Variants in PAQR5 observed in about 807,000 individuals in gnomAD.
PAQR5 encodes membrane progestin receptor gamma.
Under a neutral mutation model 34.5 loss-of-function variants are expected in PAQR5, and 20 were observed. The ratio of observed to expected loss-of-function variants is 0.58; its 90% CI spans 0.41 to 0.84. The LOEUF is 0.84. Ranked by LOEUF, PAQR5 falls within the 40% of genes least tolerant of loss-of-function variation. The pLI is 0.00. For synonymous variants in PAQR5, 131 were observed against 155.6 expected (o/e 0.84, Z 1.18); for missense variants, 378 against 412.7 (o/e 0.92, Z 0.73).
intron 1 of PAQR5, among the ~76,000 whole-genome samples, chr15:69,333,655 G>T (rs188118565): frequency 6.6e-6 from 1 of 152,302 alleles, no homozygotes; most frequent in Non-Finnish European, 1.5e-5. Context: ...TTTCCCTCCT[G>T]TTGGGGATCC....
intron 1 of PAQR5, among the ~76,000 whole-genome samples, chr15:69,302,813 C>G (rs1034845623): frequency 1.6e-4 from 25 of 152,308 alleles, no homozygotes; most frequent in African/African-American, 5.8e-4. Context: ...TCCCTGTACT[C>G]ACGCATGGCC....
At chr15:69,398,017 G>C (rs1432108837) in intron 7 of PAQR5, among the ~76,000 whole-genome samples, 1 of 152,148 alleles carries the variant, frequency 6.6e-6, no homozygotes, top group Non-Finnish European at 1.5e-5. Flanking sequence ...CTGCAGGCAG[G>C]TCTCCAATAC....
At position 69,384,902 on chromosome 15, in the gene PAQR5, T is replaced by TGAG. The variant is rs2056066165; in HGVS notation, c.385+21_385+22insAGG. Reference sequence around the variant, plus strand: ...GCCTGGGTATGTGAGGCCTTGTTCTTGCTTTCCTTCCCCTGCAACCGGGCT... The same window carrying TGAG: ...GCCTGGGTATGTGAGGCCTTGTTCTTGAGGCTTTCCTTCCCCTGCAACCGGGCT... On this transcript the variant is annotated intron_variant, in intron 5 of 8. Coordinates refer to ENST00000395407, the MANE Select transcript of PAQR5 (RefSeq NM_017705.4). The TGAG allele has an allele frequency of 6.3e-7, 1 of 1,599,598 alleles. No individual in the cohort carries two copies. Among genetic ancestry groups the TGAG allele is most frequent in the African/African-American group, 1.3e-5 (1 of 74,654 alleles).
intron 1 of PAQR5, among the ~76,000 whole-genome samples, chr15:69,300,571 C>CTCTT (rs1194607614): frequency 2.8e-5 from 4 of 144,620 alleles, no homozygotes; most frequent in South Asian, 2.3e-4. Flanking sequence ...TTCTTTCTTT[C>CTCTT]TCTTTCTTTC....
At chr15:69,326,625 C>T (rs1054073817) in intron 1 of PAQR5, among the ~76,000 whole-genome samples, 3 of 152,184 alleles carry the variant, frequency 2.0e-5, no homozygotes, top group Middle Eastern at 3.4e-3. Context: ...TTAGTAGAGA[C>T]GGGGTTTTGC....
chr15:69,311,043 AAT>A (rs1227267085), intron 1 of PAQR5, among the ~76,000 whole-genome samples: 1,762 of 105,170 alleles, frequency 0.017, 272 homozygotes, highest in African/African-American at 0.08. Flanking sequence ...CGTCGCAAAA[AAT>A]AAAAAAAAAA....
intron 3 of PAQR5, among the ~76,000 whole-genome samples, chr15:69,369,164 C>T (rs2055485351): frequency 6.6e-6 from 1 of 152,088 alleles, no homozygotes; most frequent in South Asian, 2.1e-4. Flanking sequence ...GTTCTTTGAT[C>T]TCTATCTCTG....
chr15:69,383,383 G>A (rs1209339555), intron 4 of PAQR5, among the ~76,000 whole-genome samples: 2 of 144,468 alleles, frequency 1.4e-5, no homozygotes, highest in Non-Finnish European at 3.0e-5. Context: ...ATGGTGGAGG[G>A]TGACTGGCCC....
Position 69,405,795 on chromosome 15 carries a change from A to G in PAQR5, c.*1973A>G, listed in dbSNP as rs1171861047. On this transcript the variant is annotated 3_prime_UTR_variant, in exon 9 of 9. Coordinates refer to ENST00000395407, the MANE Select transcript of PAQR5 (RefSeq NM_017705.4). ...ATCTTTGCTTATGTTGCTTTTTCAC[A>G]TGCTTAATGATGGAAATGAAATGTT... 6.6e-6 allele frequency: 1 copy of G among 152,212 alleles called. No individual in the cohort carries two copies. The highest frequency in any genetic ancestry group is 1.9e-4 in the East Asian group (1 of 5,194). 9.4% of individuals were successfully genotyped at this position (152,212 alleles called of 1,614,324 possible). A position where few individuals can be genotyped will look rare whatever the true frequency, so the allele number is the denominator to read the frequency against.
intron 2 of PAQR5, among the ~76,000 whole-genome samples, chr15:69,349,853 G>A (rs2054867923): frequency 6.6e-6 from 1 of 152,000 alleles, no homozygotes; most frequent in Admixed American, 6.6e-5. Flanking sequence ...TGTTGGCCAG[G>A]CTGGTCTCGA....
chr15:69,356,970 T>C (rs1237371131), intron 2 of PAQR5, among the ~76,000 whole-genome samples: 1 of 151,716 alleles, frequency 6.6e-6, no homozygotes, highest in Non-Finnish European at 1.5e-5. Context: ...TGGGGGCAGA[T>C]CCCTCGTGGC....
chr15:69,388,040 G>T (rs1254893559), intron 5 of PAQR5, among the ~76,000 whole-genome samples: 1 of 152,168 alleles, frequency 6.6e-6, no homozygotes, highest in Non-Finnish European at 1.5e-5. Context: ...GCTTGATGTG[G>T]GGAAGTGTTC....
intron 5 of PAQR5, among the ~76,000 whole-genome samples, chr15:69,388,199 G>C (rs754732118): frequency 1.5e-4 from 23 of 152,110 alleles, no homozygotes; most frequent in Admixed American, 7.9e-4. Context: ...CACCTCCCAG[G>C]CTTCCAGGGG....
At chr15:69,351,869 C>T (rs1479171577) in intron 2 of PAQR5, among the ~76,000 whole-genome samples, 1 of 152,108 alleles carries the variant, frequency 6.6e-6, no homozygotes, top group Non-Finnish European at 1.5e-5. Context: ...GCATTTGGCC[C>T]CTCCTACAAC....
At chr15:69,333,219 A>T (rs2054428799) in intron 1 of PAQR5, among the ~76,000 whole-genome samples, 1 of 152,052 alleles carries the variant, frequency 6.6e-6, no homozygotes, top group African/African-American at 2.4e-5. Context: ...AAAACAGAGG[A>T]GGCACCACGA....
rs2056203693 is a variant in PAQR5 at position 69,389,702 on chromosome 15, G to C, written c.434G>C (p.Cys145Ser). The C allele has an allele frequency of 5.0e-6, 8 of 1,614,178 alleles. No homozygotes were observed. In the East Asian group the frequency reaches 1.8e-4, roughly 36 times the overall value. ...TACACGTTCCCGGATGCGCTCATGT[G>C]CACCACTTTCCATGACTACTACGTG... Reference protein sequence around the residue: ...SAYTFPDALMCTTFHDYYVAL... With the variant: ...SAYTFPDALMSTTFHDYYVAL... The change falls in exon 6 of 9, where the codon TGC becomes TCC. Residue 145 changes from cysteine to serine, a missense_variant. By Grantham distance (112) the Cys-to-Ser change is moderately radical (BLOSUM62 -1). Transcript: ENST00000395407.
intron 1 of PAQR5, among the ~76,000 whole-genome samples, chr15:69,318,475 G>C (rs912808477): frequency 6.6e-6 from 1 of 152,094 alleles, no homozygotes; most frequent in Non-Finnish European, 1.5e-5. Context: ...AGAAAGATGG[G>C]GTTCTCTTTG....
At chr15:69,396,387 A>T (rs564657275) in intron 6 of PAQR5, among the ~76,000 whole-genome samples, 16 of 152,016 alleles carry the variant, frequency 1.1e-4, no homozygotes, top group Non-Finnish European at 2.2e-4. Flanking sequence ...AGGGGGCAGA[A>T]CTGTCAGCAA....
At chr15:69,397,898 TAGG>T in intron 7 of PAQR5, 1 of 342,218 alleles carries the variant, frequency 2.9e-6, no homozygotes, top group Non-Finnish European at 5.4e-6. Context: ...GAGGAGTGGT[TAGG>T]AGATGACATA....
Sources: gnomAD v4.1 joint callset for allele counts (sites outside exome capture counted in the v4.1 genomes callset) on GRCh38, gnomAD v4.1.1 for gene constraint, MANE v1.5 for transcripts, NCBI Gene and HGNC (gene_info 2026-07-23, HGNC 2026-07-21) for gene names.